BBS9: variants seen among roughly 807,000 people sequenced by gnomAD.
BBS9 encodes Bardet-Biedl syndrome 9.
Under a neutral mutation model 117.7 loss-of-function variants are expected in BBS9, and 89 were observed. The observed-to-expected ratio is 0.76, with a 90% CI of 0.64 to 0.90. BBS9 has a LOEUF of 0.90. Ranked by LOEUF, BBS9 falls within the 40% of genes least tolerant of loss-of-function variation. The probability of loss-of-function intolerance (pLI) is 0.00; values close to 1 mark genes in which losing one functional copy is unlikely to be tolerated. For missense variants in BBS9, 982 were observed against 1,042.2 expected (o/e 0.94, Z 0.80); for synonymous variants, 379 against 370.9 (o/e 1.02, Z -0.25).
intron 19 of BBS9, among the ~76,000 whole-genome samples, chr7:33,495,248 A>T (rs1844549966): frequency 6.6e-6 from 1 of 152,194 alleles, no homozygotes; most frequent in Non-Finnish European, 1.5e-5. Context: ...TTTTGGGAGC[A>T]TGCCCTACCT....
chr7:33,188,530 C>A (rs1167924142), intron 5 of BBS9, among the ~76,000 whole-genome samples: 1 of 151,838 alleles, frequency 6.6e-6, no homozygotes, highest in Non-Finnish European at 1.5e-5. Context: ...TTGAGAATGA[C>A]AAATTTAAGG....
intron 16 of BBS9, among the ~76,000 whole-genome samples, chr7:33,366,983 TTG>T (rs1821894664): frequency 6.6e-6 from 1 of 152,194 alleles, no homozygotes; most frequent in Non-Finnish European, 1.5e-5. Context: ...CACATAATAT[TTG>T]TTTGTCTTTT....
intron 21 of BBS9, among the ~76,000 whole-genome samples, chr7:33,617,411 A>C (rs1865195976): frequency 6.8e-6 from 1 of 147,952 alleles, no homozygotes; most frequent in African/African-American, 2.6e-5. Context: ...TAAAGAGGTC[A>C]GTTCTCTGTA....
At chr7:33,271,764 A>T (rs1799840084) in intron 7 of BBS9, among the ~76,000 whole-genome samples, 1 of 152,168 alleles carries the variant, frequency 6.6e-6, no homozygotes, top group South Asian at 2.1e-4. Flanking sequence ...ATAGTGGGAG[A>T]CTTCAACACC....
intron 19 of BBS9, among the ~76,000 whole-genome samples, chr7:33,481,332 A>T (rs766865676): frequency 4.6e-5 from 7 of 152,180 alleles, no homozygotes; most frequent in Non-Finnish European, 8.8e-5. Flanking sequence ...CACTTGCAAG[A>T]TTGGGAAGAC....
intron 21 of BBS9, among the ~76,000 whole-genome samples, chr7:33,581,210 G>C (rs1859849876): frequency 6.6e-6 from 1 of 152,038 alleles, no homozygotes; most frequent in Admixed American, 6.6e-5. Context: ...CGGGGAAAAA[G>C]ACTATAAAAT....
At chr7:33,531,901 A>C (rs1328418687) in intron 20 of BBS9, among the ~76,000 whole-genome samples, 1 of 152,246 alleles carries the variant, frequency 6.6e-6, no homozygotes, top group Admixed American at 6.5e-5. Flanking sequence ...GAGACTAGAC[A>C]TAAAGATCTC....
chr7:33,344,535 A>C, intron 11 of BBS9, 46 bp from the exon 12 acceptor site: 1 of 1,555,866 alleles, frequency 6.4e-7, no homozygotes, highest in Non-Finnish European at 8.9e-7. Flanking sequence ...ACTGCTGTGT[A>C]ATATTGACAT....
chr7:33,344,116 C>T, intron 11 of BBS9, among the ~76,000 whole-genome samples: 2 of 105,920 alleles, frequency 1.9e-5, no homozygotes, highest in East Asian at 6.3e-4. Context: ...GGCAGAGTCT[C>T]TGTCGCCCAG....
chr7:33,177,060 CTAAT>C (rs1184936958), intron 4 of BBS9, among the ~76,000 whole-genome samples: 1 of 152,088 alleles, frequency 6.6e-6, no homozygotes, highest in Non-Finnish European at 1.5e-5. Flanking sequence ...GGTAGGAACA[CTAAT>C]TGCTTGAAAG....
chr7:33,309,869 A>C (rs1243782517), intron 9 of BBS9, among the ~76,000 whole-genome samples: 1 of 152,224 alleles, frequency 6.6e-6, no homozygotes, highest in Non-Finnish European at 1.5e-5. Flanking sequence ...TTAGTGGAGC[A>C]TGGGAAGAAG....
intron 19 of BBS9, among the ~76,000 whole-genome samples, chr7:33,475,989 A>C (rs1841749536): frequency 6.6e-6 from 1 of 152,182 alleles, no homozygotes; most frequent in African/African-American, 2.4e-5. Context: ...ATAAATACAG[A>C]GAGGCGGTCA....
chr7:33,467,027 CTCTCTT>C (rs59290613), intron 19 of BBS9, among the ~76,000 whole-genome samples: 35,133 of 135,922 alleles, frequency 0.26, 4,474 homozygotes, highest in Admixed American at 0.39. Flanking sequence ...CTCTCTCTCT[CTCTCTT>C]ATGACAACCA....
intron 5 of BBS9, among the ~76,000 whole-genome samples, chr7:33,182,712 T>C (rs530069256): frequency 2.0e-5 from 3 of 152,182 alleles, no homozygotes; most frequent in African/African-American, 7.2e-5. Flanking sequence ...TATATAAACA[T>C]CACACACACA....
At chr7:33,342,367 A>T (rs764537971) in intron 11 of BBS9, among the ~76,000 whole-genome samples, 1 of 152,146 alleles carries the variant, frequency 6.6e-6, no homozygotes, top group Non-Finnish European at 1.5e-5. Context: ...AAATGTACAC[A>T]TATTTTCTTG....
At chr7:33,167,601 G>C in intron 4 of BBS9, among the ~76,000 whole-genome samples, 1 of 151,860 alleles carries the variant, frequency 6.6e-6, no homozygotes, top group East Asian at 1.9e-4. Flanking sequence ...GGGGTTCACT[G>C]TGTTGGCCAG....
intron 4 of BBS9, 65 bp from the exon 5 acceptor site, chr7:33,177,413 T>A: frequency 9.3e-7 from 1 of 1,070,302 alleles, no homozygotes; most frequent in South Asian, 1.3e-5. Flanking sequence ...GAGTAGTGGA[T>A]GAGAACAAAT....
At chr7:33,579,761 C>T (rs918601941) in intron 21 of BBS9, among the ~76,000 whole-genome samples, 2 of 152,130 alleles carry the variant, frequency 1.3e-5, no homozygotes, top group Admixed American at 1.3e-4. Context: ...CAATTCCCTC[C>T]ACCTCCTCAC....
Position 33,605,221 on chromosome 7 carries a change from G to T in BBS9, c.2659G>T (p.Glu887Ter). 1 of 1,612,664 alleles carries T rather than the reference G, an allele frequency of 6.2e-7. No homozygotes were observed. Among genetic ancestry groups the T allele is most frequent in the East Asian group, 2.2e-5 (1 of 44,866 alleles). Residue 887 changes from glutamate to a stop codon, truncating the protein, a stop_gained, in exon 23 of 23, where the codon GAA (glutamate) becomes TAA (stop). Coordinates refer to ENST00000242067, the MANE Select transcript of BBS9 (RefSeq NM_198428.3). LOFTEE classifies it high-confidence loss of function. ...AGTTTCACCCCTCCAAGGAGTCTCG[G>T]AATAATTCAAGTAGAGTTGTTTGGT... ...PEVSPLQGVS[E>*]
Sources: allele counts gnomAD v4.1 joint callset (sites outside exome capture counted in the v4.1 genomes callset), GRCh38; gene constraint gnomAD v4.1.1; transcripts MANE v1.5; gene names NCBI Gene and HGNC (gene_info 2026-07-23, HGNC 2026-07-21).